Variants in RPS6KC1 observed in about 807,000 individuals in gnomAD.
RPS6KC1 encodes inactive ribosomal protein S6 kinase delta-1.
A neutral mutation model predicts 103.8 loss-of-function variants in RPS6KC1; 54 were observed. The observed-to-expected ratio is 0.52, with a 90% confidence interval of 0.42 to 0.65. RPS6KC1 has a LOEUF of 0.65. Ranked by LOEUF, RPS6KC1 falls within the 30% of genes least tolerant of loss-of-function variation. The pLI is 0.00. For synonymous variants in RPS6KC1, 439 were observed against 438.7 expected (o/e 1.00, Z -0.01); for missense variants, 1,151 against 1,253.8 (o/e 0.92, Z 1.24).
the RPS6KC1 span, among the ~76,000 whole-genome samples, chr1:213,739,819 G>C: frequency 3.9e-4 from 60 of 152,266 alleles, no homozygotes; most frequent in South Asian, 1.2e-3. Flanking sequence ...TTTAAGGTAC[G>C]CAAAGATTCA....
downstream of RPS6KC1, among the ~76,000 whole-genome samples, chr1:213,275,034 TA>T (rs2095108845): frequency 2.0e-5 from 3 of 152,216 alleles, no homozygotes; most frequent in South Asian, 6.2e-4. Context: ...GTGACTGTTC[TA>T]AGTACTTCAT....
At chr1:213,602,120 C>CTTTCTTTCTTTCTTTCTTTCTTTCTT in the RPS6KC1 span, among the ~76,000 whole-genome samples, 1 of 5,154 alleles carries the variant, frequency 1.9e-4, no homozygotes, top group African/African-American at 6.7e-4. Flanking sequence ...TTCTTTCTTT[C>CTTTCTTTCTTTCTTTCTTTCTTTCTT]TCTTTCTTTC....
chr1:213,468,271 A>G, the RPS6KC1 span, among the ~76,000 whole-genome samples: 1 of 152,378 alleles, frequency 6.6e-6, no homozygotes, highest in East Asian at 1.9e-4. Flanking sequence ...ATATACGTGT[A>G]TACTTACCTT....
the RPS6KC1 span, among the ~76,000 whole-genome samples, chr1:213,459,333 G>T: frequency 0.017 from 2,569 of 152,154 alleles, 40 homozygotes; most frequent in Non-Finnish European, 0.027. Flanking sequence ...GTTTAGTCTT[G>T]GGAGGATGTA....
chr1:213,437,750 G>GT, the RPS6KC1 span, among the ~76,000 whole-genome samples: 6,676 of 149,444 alleles, frequency 0.045, 166 homozygotes, highest in African/African-American at 0.061. Context: ...TCTGCCTTTT[G>GT]TTTTTTTTTG....
At chr1:213,699,372 T>C in the RPS6KC1 span, among the ~76,000 whole-genome samples, 2 of 152,118 alleles carry the variant, frequency 1.3e-5, no homozygotes, top group East Asian at 3.8e-4. Flanking sequence ...TTCCATCCAT[T>C]TTGTTCCAAA....
At chr1:213,333,061 C>T in the RPS6KC1 span, among the ~76,000 whole-genome samples, 1 of 152,314 alleles carries the variant, frequency 6.6e-6, no homozygotes, top group South Asian at 2.1e-4. Context: ...CTTATTGTTT[C>T]CACCTTCCAA....
chr1:213,160,600 A>T lies in RPS6KC1; in HGVS notation c.836-7258A>T, dbSNP rs558237221. Among the ~76,000 whole-genome samples, 94 of 152,332 alleles carry T rather than the reference A, an allele frequency of 6.2e-4. 1 individual carries two copies. Among genetic ancestry groups the T allele is most frequent in the African/African-American group, 1.9e-3 (80 of 41,560 alleles). On this transcript the variant is annotated intron_variant, in intron 6 of 14. Coordinates refer to ENST00000366960, the MANE Select transcript of RPS6KC1 (RefSeq NM_012424.6). The stretch of plus-strand genomic sequence containing the variant: ...AGAGGTAATTGAGACATCAGTAGGC[A>T]TGAAGGTATTGTTATCAGACCTTAT...
chr1:213,542,604 G>A, the RPS6KC1 span, among the ~76,000 whole-genome samples: 8 of 152,228 alleles, frequency 5.3e-5, no homozygotes, highest in South Asian at 2.1e-4. Context: ...GAGATGATGA[G>A]AGGTAAAACA....
At chr1:213,127,853 A>G (rs1245791372) in intron 5 of RPS6KC1, among the ~76,000 whole-genome samples, 1 of 152,188 alleles carries the variant, frequency 6.6e-6, no homozygotes, top group Non-Finnish European at 1.5e-5. Flanking sequence ...GAAGATCTTT[A>G]TAACTAAGGG....
chr1:213,527,523 T>C, the RPS6KC1 span, among the ~76,000 whole-genome samples: 1 of 152,066 alleles, frequency 6.6e-6, no homozygotes, highest in Non-Finnish European at 1.5e-5. Flanking sequence ...CCTACAACCA[T>C]TGGGTGGGTA....
the RPS6KC1 span, among the ~76,000 whole-genome samples, chr1:213,610,467 G>A: frequency 1.3e-5 from 2 of 152,176 alleles, no homozygotes; most frequent in African/African-American, 4.8e-5. Context: ...AGAGCGAGGA[G>A]GAGATTTGGC....
At chr1:213,219,311 A>G (rs1216858134) in intron 8 of RPS6KC1, among the ~76,000 whole-genome samples, 2 of 152,242 alleles carry the variant, frequency 1.3e-5, no homozygotes, top group Non-Finnish European at 2.9e-5. Context: ...ACAGTGAGAT[A>G]CCATCTCACA....
intron 6 of RPS6KC1, among the ~76,000 whole-genome samples, chr1:213,139,366 A>G (rs933294964): frequency 1.5e-4 from 22 of 151,672 alleles, no homozygotes; most frequent in African/African-American, 5.1e-4. Flanking sequence ...CCCAGTTGTC[A>G]GTGTTTTTGT....
chr1:213,577,264 C>T, the RPS6KC1 span, among the ~76,000 whole-genome samples: 1 of 152,224 alleles, frequency 6.6e-6, no homozygotes. Flanking sequence ...TGTGCCTTTG[C>T]TTCTCCTTCA....
At chr1:213,213,848 A>T (rs1438583287) in intron 8 of RPS6KC1, among the ~76,000 whole-genome samples, 1 of 152,222 alleles carries the variant, frequency 6.6e-6, no homozygotes, top group East Asian at 1.9e-4. Flanking sequence ...GTTTTCAGCT[A>T]TTATCACAAT....
At chr1:213,819,543 A>G in the RPS6KC1 span, 1 of 152,250 alleles carries the variant, frequency 6.6e-6, no homozygotes, top group Admixed American at 6.5e-5. Context: ...CATATGAAAG[A>G]GCACTGATGG....
At chr1:213,681,485 G>T in the RPS6KC1 span, among the ~76,000 whole-genome samples, 1 of 148,550 alleles carries the variant, frequency 6.7e-6, no homozygotes, top group South Asian at 2.1e-4. Context: ...GAGGGAGGGA[G>T]AGAGAAGGTG....
At chr1:213,583,204 T>C in the RPS6KC1 span, among the ~76,000 whole-genome samples, 2 of 152,216 alleles carry the variant, frequency 1.3e-5, no homozygotes, top group Admixed American at 6.5e-5. Flanking sequence ...CTATTATGAA[T>C]AAAGCTGCAA....
Sources: allele counts gnomAD v4.1 joint callset (sites outside exome capture counted in the v4.1 genomes callset), GRCh38; gene constraint gnomAD v4.1.1; transcripts MANE v1.5; gene names NCBI Gene and HGNC (gene_info 2026-07-23, HGNC 2026-07-21).